Variants in PLCB4 observed in about 807,000 individuals in gnomAD.
PLCB4 encodes 1-phosphatidylinositol 4,5-bisphosphate phosphodiesterase beta-4.
In PLCB4, 77 loss-of-function variants were observed where a neutral mutation model predicts 178.8. The ratio of observed to expected loss-of-function variants is 0.43; its 90% CI spans 0.36 to 0.52. The LOEUF is 0.52. Among genes scored for constraint, PLCB4 ranks in the 20% least tolerant of loss-of-function variants. The probability of loss-of-function intolerance (pLI) is 0.00; values close to 1 mark genes in which losing one functional copy is unlikely to be tolerated. For synonymous variants in PLCB4, 496 were observed against 490.8 expected, an observed-to-expected ratio of 1.01 and a Z score of -0.14; for missense variants, 1,024 against 1,453.4, an observed-to-expected ratio of 0.70 and a Z score of 4.80.
intron 2 of PLCB4, among the ~76,000 whole-genome samples, chr20:9,148,473 G>T (rs1473912982): frequency 3.3e-5 from 5 of 152,118 alleles, no homozygotes; most frequent in Non-Finnish European, 7.4e-5. Context: ...GAAATACTGT[G>T]GCTGGAGATC....
At chr20:9,468,248 C>G (rs934764613) in intron 35 of PLCB4, among the ~76,000 whole-genome samples, 1 of 151,872 alleles carries the variant, frequency 6.6e-6, no homozygotes, top group Non-Finnish European at 1.5e-5. Flanking sequence ...CCCGTCCCTC[C>G]TTTTTCCAAA....
chr20:9,095,834 C>T (rs914611493), intron 1 of PLCB4, among the ~76,000 whole-genome samples: 2 of 152,126 alleles, frequency 1.3e-5, no homozygotes, highest in African/African-American at 4.8e-5. Flanking sequence ...TCATAGTTCT[C>T]TTACCTTCTG....
chr20:9,268,976 G>A (rs1012280477), intron 3 of PLCB4, among the ~76,000 whole-genome samples: 2 of 152,150 alleles, frequency 1.3e-5, no homozygotes, highest in African/African-American at 4.8e-5. Flanking sequence ...GCTTGTTTTA[G>A]CCATTGAGCA....
At chr20:9,193,815 T>A (rs2093434540) in intron 2 of PLCB4, among the ~76,000 whole-genome samples, 1 of 152,214 alleles carries the variant, frequency 6.6e-6, no homozygotes. Context: ...TCAGAGAGTA[T>A]TTGGCTATTT....
At chr20:9,154,867 C>A (rs2146948720) in intron 2 of PLCB4, among the ~76,000 whole-genome samples, 1 of 140,044 alleles carries the variant, frequency 7.1e-6, no homozygotes, top group Middle Eastern at 3.6e-3. Context: ...TCTCTCCCTC[C>A]CTTCCTTCCT....
At chr20:9,368,437 C>A (rs1355856900) in intron 9 of PLCB4, among the ~76,000 whole-genome samples, 2 of 152,112 alleles carry the variant, frequency 1.3e-5, no homozygotes, top group Admixed American at 6.5e-5. Flanking sequence ...GAGTGAACAC[C>A]AATGACTAGA....
chr20:9,204,997 A>G (rs1332786838), intron 2 of PLCB4, among the ~76,000 whole-genome samples: 2 of 152,376 alleles, frequency 1.3e-5, no homozygotes. Context: ...ACTGAGTTAA[A>G]TAAAATACAG....
chr20:9,469,111 G>T (rs2044003913), intron 36 of PLCB4, among the ~76,000 whole-genome samples: 1 of 151,968 alleles, frequency 6.6e-6, no homozygotes, highest in Admixed American at 6.6e-5. Context: ...CTCCCTAGTA[G>T]CTGGGATTAC....
At chr20:9,308,406 A>C (rs965990904) in intron 4 of PLCB4, among the ~76,000 whole-genome samples, 1 of 152,190 alleles carries the variant, frequency 6.6e-6, no homozygotes, top group Non-Finnish European at 1.5e-5. Flanking sequence ...TGATGACTCC[A>C]GACTTTCTAT....
chr20:9,446,726 C>T (rs1361015799), intron 32 of PLCB4, among the ~76,000 whole-genome samples: 2 of 152,080 alleles, frequency 1.3e-5, no homozygotes, highest in African/African-American at 4.8e-5. Context: ...AGTAAAAATA[C>T]AAAAGTTAGC....
chr20:9,385,855 C>T (rs1385118584), intron 14 of PLCB4, among the ~76,000 whole-genome samples: 5 of 152,088 alleles, frequency 3.3e-5, no homozygotes, highest in Admixed American at 6.6e-5. Flanking sequence ...GACGGGGTGG[C>T]GGCCGGGCAG....
intron 3 of PLCB4, among the ~76,000 whole-genome samples, chr20:9,295,330 G>C (rs771152620): frequency 1.7e-4 from 26 of 152,084 alleles, no homozygotes; most frequent in Non-Finnish European, 3.4e-4. Context: ...CATGTATTCT[G>C]TTAGTTCTGT....
At chr20:9,313,178 C>T (rs1008303937) in intron 4 of PLCB4, among the ~76,000 whole-genome samples, 4 of 152,172 alleles carry the variant, frequency 2.6e-5, no homozygotes, top group Non-Finnish European at 5.9e-5. Context: ...TACTTACAGT[C>T]ATCAAAATGA....
chr20:9,086,221 A>G (rs1160032406), intron 1 of PLCB4, among the ~76,000 whole-genome samples: 1 of 152,130 alleles, frequency 6.6e-6, no homozygotes, highest in Non-Finnish European at 1.5e-5. Flanking sequence ...ATGAAAAAGG[A>G]TATATGTTTC....
rs963861838 is a variant in PLCB4, at chr20:9,333,661, C to G, written c.85-3465C>G. The stretch of plus-strand genomic sequence containing the variant: ...CAAAGTTTAAAGAATCAATCTGGCT[C>G]CTATGGGCAGCAGAAAAAGCAGAAG... On this transcript the variant is annotated intron_variant, in intron 4 of 39. Transcript: ENST00000378473. Among the ~76,000 whole-genome samples, 3 of 152,132 alleles carry G rather than the reference C, an allele frequency of 2.0e-5. No homozygotes were observed. In the East Asian group the frequency reaches 5.8e-4, roughly 29 times the overall value.
chr20:9,082,807 C>G (rs1225925585), intron 1 of PLCB4, among the ~76,000 whole-genome samples: 1 of 152,162 alleles, frequency 6.6e-6, no homozygotes, highest in African/African-American at 2.4e-5. Context: ...TTCTCCCCAT[C>G]TGCCATAAGT....
At chr20:9,226,164 ATGGCTGGAGGAC>A (rs1260569525) in intron 3 of PLCB4, among the ~76,000 whole-genome samples, 1 of 152,180 alleles carries the variant, frequency 6.6e-6, no homozygotes, top group Non-Finnish European at 1.5e-5. Context: ...CCCTTTCCGT[ATGGCTGGAGGAC>A]TGGTGGTTTT....
chr20:9,355,078 T>G (rs1027239428), intron 7 of PLCB4, among the ~76,000 whole-genome samples: 1 of 152,158 alleles, frequency 6.6e-6, no homozygotes, highest in Non-Finnish European at 1.5e-5. Flanking sequence ...CCCAGGTGAT[T>G]CTAATGTACC....
intron 5 of PLCB4, among the ~76,000 whole-genome samples, chr20:9,337,717 TAAC>T (rs2032651446): frequency 6.6e-6 from 1 of 152,186 alleles, no homozygotes; most frequent in African/African-American, 2.4e-5. Context: ...TAATGATTAT[TAAC>T]AATGTTTTAT....
Sources: gnomAD v4.1 joint callset for allele counts (sites outside exome capture counted in the v4.1 genomes callset) on GRCh38, gnomAD v4.1.1 for gene constraint, MANE v1.5 for transcripts, NCBI Gene and HGNC (gene_info 2026-07-23, HGNC 2026-07-21) for gene names.